Variants in GCNT1 observed in about 807,000 individuals in gnomAD.
GCNT1 encodes beta-1,3-galactosyl-O-glycosyl-glycoprotein beta-1,6-N-acetylglucosaminyltransferase.
Under a neutral mutation model 26.2 loss-of-function variants are expected in GCNT1, and 16 were observed. The observed-to-expected ratio is 0.61, with a 90% CI of 0.41 to 0.93. The LOEUF (loss-of-function observed/expected upper bound fraction) is 0.93, where lower values mean the gene tolerates loss of function less well. Ranked by LOEUF, GCNT1 falls within the 40% of genes least tolerant of loss-of-function variation. GCNT1 has a pLI of 0.00. For synonymous variants in GCNT1, 183 were observed against 190.8 expected, an observed-to-expected ratio of 0.96 and a Z score of 0.34; for missense variants, 477 against 526.7, an observed-to-expected ratio of 0.91 and a Z score of 0.92.
chr9:76,442,207 T>C (rs1450949194), exon 1 of GCNT1: 1 of 152,196 alleles, frequency 6.6e-6, no homozygotes, highest in African/African-American at 2.4e-5. Context: ...AAGCTAGAAA[T>C]GGCAAGGAAA....
chr9:76,394,717 C>T, the GCNT1 span, among the ~76,000 whole-genome samples: 1 of 152,340 alleles, frequency 6.6e-6, no homozygotes, highest in South Asian at 2.1e-4. Flanking sequence ...CGCGAAAGCA[C>T]AATTCTCGAA....
Position 76,503,195 on chromosome 9 carries a change from G to C in GCNT1, c.814G>C (p.Val272Leu), listed in dbSNP as rs556048059. 1 of 1,614,186 alleles carries C rather than the reference G, an allele frequency of 6.2e-7. No homozygotes were observed. The highest frequency in any genetic ancestry group is 8.5e-7 in the Non-Finnish European group (1 of 1,180,016). Residue 272 changes from valine (V) to leucine (L), a missense_variant, in exon 4 of 4, where the codon GTC (valine) becomes CTC (leucine). Transcript: ENST00000376730. ...TGGAAAGCTGACAAACACAGGGACT[G>C]TCAAAATGCTTCCTCCACTCGAAAC... ...VNGKLTNTGTVKMLPPLETPL... is the reference protein window; with the variant it reads ...VNGKLTNTGTLKMLPPLETPL...
chr9:76,498,695 C>T (rs1320544462), intron 2 of GCNT1, among the ~76,000 whole-genome samples: 1 of 151,628 alleles, frequency 6.6e-6, no homozygotes, highest in East Asian at 1.9e-4. Context: ...ATTGCTTGAA[C>T]CCGGGAGCCA....
At chr9:76,447,276 C>T (rs533002541) in intron 1 of GCNT1, among the ~76,000 whole-genome samples, 1 of 150,754 alleles carries the variant, frequency 6.6e-6, no homozygotes, top group African/African-American at 2.4e-5. Context: ...AGATCTCACT[C>T]TCACCCAGGC....
intron 2 of GCNT1, among the ~76,000 whole-genome samples, chr9:76,484,654 G>A (rs935820265): frequency 6.6e-6 from 1 of 152,258 alleles, no homozygotes; most frequent in East Asian, 1.9e-4. Context: ...TGAAAAGGGT[G>A]CAGAATGGCC....
intron 2 of GCNT1, among the ~76,000 whole-genome samples, chr9:76,487,630 G>T (rs1289237239): frequency 2.6e-5 from 4 of 152,128 alleles, no homozygotes; most frequent in Admixed American, 2.0e-4. Flanking sequence ...TTGTCTGTTG[G>T]CTTGTTATAT....
intron 2 of GCNT1, among the ~76,000 whole-genome samples, chr9:76,462,087 C>T (rs1329162497): frequency 1.3e-5 from 2 of 151,744 alleles, no homozygotes; most frequent in African/African-American, 2.4e-5. Flanking sequence ...GAAATGATCC[C>T]TTCTGACTGT....
At chr9:76,489,192 C>T (rs7026392) in intron 2 of GCNT1, among the ~76,000 whole-genome samples, 11,078 of 152,204 alleles carry the variant, frequency 0.073, 1,281 homozygotes, top group African/African-American at 0.25. Flanking sequence ...TTTTTCAAGA[C>T]AACTGGGCGG....
In GCNT1 at chr9:76,500,932, G is replaced by A. The variant is rs1172873945; in HGVS notation, c.-273G>A. On this transcript the variant is annotated 5_prime_UTR_variant, in exon 3 of 4. It adds an upstream start codon to the 5' untranslated region. Transcript: ENST00000376730. Reference sequence around the variant, plus strand: ...ATTTCACAGATTTCTTTAAAGACTCGTGCAGCACATCATTATCGCTGGATG... The same window carrying A: ...ATTTCACAGATTTCTTTAAAGACTCATGCAGCACATCATTATCGCTGGATG... The A allele has an allele frequency of 1.3e-5, 2 of 152,002 alleles. No homozygotes were observed. The highest frequency in any genetic ancestry group is 2.9e-5 in the Non-Finnish European group (2 of 68,004). The allele number at this position is 152,002 out of a possible 1,614,324, so 9.4% of individuals were successfully genotyped here.
upstream of GCNT1, among the ~76,000 whole-genome samples, chr9:76,438,228 A>C (rs1823435558): frequency 6.6e-6 from 1 of 152,196 alleles, no homozygotes; most frequent in East Asian, 1.9e-4. Context: ...AATACATGTA[A>C]TATTTACGTG....
the GCNT1 span, among the ~76,000 whole-genome samples, chr9:76,396,873 G>T: frequency 6.6e-6 from 1 of 152,176 alleles, no homozygotes; most frequent in Non-Finnish European, 1.5e-5. Flanking sequence ...TATAGCCCCA[G>T]CTACTTGGGA....
At chr9:76,471,181 A>G (rs913076545) in intron 2 of GCNT1, among the ~76,000 whole-genome samples, 5 of 152,170 alleles carry the variant, frequency 3.3e-5, no homozygotes, top group African/African-American at 7.2e-5. Context: ...GCCCACCACC[A>G]TGGCTGGCTG....
chr9:76,432,142 G>C (rs1194596169), intron 1 of GCNT1, among the ~76,000 whole-genome samples: 1 of 151,972 alleles, frequency 6.6e-6, no homozygotes, highest in African/African-American at 2.4e-5. Context: ...AAATTCCAAG[G>C]GTTTTAGAAG....
chr9:76,410,183 G>A, the GCNT1 span, among the ~76,000 whole-genome samples: 3 of 152,098 alleles, frequency 2.0e-5, no homozygotes, highest in African/African-American at 7.2e-5. Flanking sequence ...TGTAATCTCA[G>A]CACTTTGGAA....
chr9:76,484,931 G>T (rs1349533180), intron 2 of GCNT1, among the ~76,000 whole-genome samples: 1 of 151,712 alleles, frequency 6.6e-6, no homozygotes, highest in Non-Finnish European at 1.5e-5. Context: ...TGGGACTACA[G>T]ACTCGTGCCA....
upstream of GCNT1, among the ~76,000 whole-genome samples, chr9:76,456,260 C>T (rs1395690235): frequency 6.6e-6 from 1 of 152,180 alleles, no homozygotes; most frequent in Admixed American, 6.5e-5. Flanking sequence ...GGCTCTTCTC[C>T]CTGGCTGCAG....
At chr9:76,491,205 GTC>G (rs1323374439) in intron 2 of GCNT1, among the ~76,000 whole-genome samples, 1 of 149,794 alleles carries the variant, frequency 6.7e-6, no homozygotes, top group Non-Finnish European at 1.5e-5. Context: ...CTCCCTCTTT[GTC>G]TCTGTCTCTT....
At chr9:76,416,234 G>A (rs920675500), upstream of GCNT1, among the ~76,000 whole-genome samples, 1 of 152,036 alleles carries the variant, frequency 6.6e-6, no homozygotes, top group African/African-American at 2.4e-5. Flanking sequence ...GGCCAGGGAC[G>A]GCTGAACTCC....
At position 76,447,396 on chromosome 9, in the gene GCNT1, C is replaced by T. The variant is rs552026354; in HGVS notation, c.-290+5081C>T. ...CTGGGACCATAGGTGTGCACCACCA[C>T]GCCCCAGCTAATTTTTATTTTTATT... On this transcript the variant is annotated intron_variant, in intron 1 of 2. Transcript: ENST00000442371. Among the ~76,000 whole-genome samples the T allele has an allele frequency of 2.0e-3, 310 of 151,834 alleles. 1 individual carries two copies. Among genetic ancestry groups the T allele is most frequent in the Admixed American group, 3.5e-3 (54 of 15,260 alleles).
Sources: allele counts gnomAD v4.1 joint callset (sites outside exome capture counted in the v4.1 genomes callset), GRCh38; gene constraint gnomAD v4.1.1; transcripts MANE v1.5; gene names NCBI Gene and HGNC (gene_info 2026-07-23, HGNC 2026-07-21).